The following PTER variants were observed in gnomAD, a reference collection of about 807,000 sequenced individuals.
PTER encodes the protein N-acetyltaurine hydrolase.
In PTER, 38 loss-of-function variants were observed where a neutral mutation model predicts 29.6. The observed-to-expected ratio is 1.28, with a 90% CI of 0.99 to 1.68. PTER has a LOEUF of 1.68. Ranked by LOEUF, PTER falls within the 40% of genes most tolerant of loss-of-function variation. The pLI, the probability that PTER is intolerant of heterozygous loss-of-function variation, is 0.00. For missense variants in PTER, 482 were observed against 427.8 expected (o/e 1.13, Z -1.12); for synonymous variants, 172 against 154.5 (o/e 1.11, Z -0.84).
At position 16,511,132 on chromosome 10, in the gene PTER, G is replaced by A. The variant is rs1353752011; in HGVS notation, c.926G>A (p.Gly309Glu). 6.2e-7 allele frequency: 1 copy of A among 1,614,158 alleles called. No homozygotes were observed. Reference sequence around the variant, plus strand: ...ACGAAAACCCGGCTGATGAAATATGGAGGTCACGGCTATTCTCATATACTC... The same window carrying A: ...ACGAAAACCCGGCTGATGAAATATGAAGGTCACGGCTATTCTCATATACTC... ...IHTKTRLMKY[G>E]GHGYSHILTN... The change falls in exon 5 of 5, where the codon GGA (glycine) becomes GAA (glutamate). Residue 309 changes from glycine (G) to glutamate (E), a missense_variant. Gly to Glu is a moderately conservative substitution (Grantham distance 98, BLOSUM62 -2). Coordinates refer to ENST00000535784, the MANE Select transcript of PTER (RefSeq NM_001261836.2).
downstream of PTER, among the ~76,000 whole-genome samples, chr10:16,515,943 A>G (rs1198701365): frequency 6.6e-6 from 1 of 152,198 alleles, no homozygotes; most frequent in Non-Finnish European, 1.5e-5. Context: ...GAGAGAAATG[A>G]GACAGAAGTC....
At chr10:16,497,814 G>C (rs1836170269) in intron 3 of PTER, among the ~76,000 whole-genome samples, 1 of 152,146 alleles carries the variant, frequency 6.6e-6, no homozygotes, top group Non-Finnish European at 1.5e-5. Flanking sequence ...AATATAAAAG[G>C]GGGTTGAAAA....
chr10:16,459,114 C>A (rs925071759), intron 1 of PTER, among the ~76,000 whole-genome samples: 1 of 152,154 alleles, frequency 6.6e-6, no homozygotes, highest in African/African-American at 2.4e-5. Flanking sequence ...TGCATAGTAT[C>A]AATGTATTTT....
rs1010674988 is a variant in PTER, at chr10:16,476,901, C to CTTTT, written c.-48-7417_-48-7414dup. On this transcript the variant is annotated intron_variant, in intron 1 of 4. Coordinates refer to ENST00000535784, the MANE Select transcript of PTER (RefSeq NM_001261836.2). ...CAAACCACCCCTCCATCCTAGAATT[C>CTTTT]TTTTTTTTTTTTTTTTTTTTTTGAG... is the stretch of plus-strand genomic sequence containing the variant. Among the ~76,000 whole-genome samples the CTTTT allele has an allele frequency of 1.3e-4, 13 of 100,360 alleles. 1 individual carries two copies. The highest frequency in any genetic ancestry group is 1.7e-4 in the Non-Finnish European group (9 of 51,812). The allele number at this position is 100,360 out of a possible 152,430, so 65.8% of individuals were successfully genotyped here.
At chr10:16,444,252 C>CA (rs1397644014) in intron 1 of PTER, among the ~76,000 whole-genome samples, 2 of 152,140 alleles carry the variant, frequency 1.3e-5, no homozygotes, top group Non-Finnish European at 2.9e-5. Context: ...CTCGGCCTCC[C>CA]AAAGTGCTGG....
At chr10:16,438,309 C>T (rs901672479) in intron 1 of PTER, among the ~76,000 whole-genome samples, 2 of 149,446 alleles carry the variant, frequency 1.3e-5, no homozygotes, top group African/African-American at 4.9e-5. Flanking sequence ...CGGCCTCTTG[C>T]TTTTTAAGAC....
chr10:16,484,940 C>A, intron 2 of PTER, 124 bp downstream of exon 2: 1 of 1,145,000 alleles, frequency 8.7e-7, no homozygotes, highest in South Asian at 1.8e-5. Context: ...GCAAAGACAT[C>A]TGCCAGTTGG....
At chr10:16,469,880 G>GTT (rs11452216) in intron 1 of PTER, among the ~76,000 whole-genome samples, 1 of 145,664 alleles carries the variant, frequency 6.9e-6, no homozygotes, top group African/African-American at 2.6e-5. Flanking sequence ...GTGCCTGGCT[G>GTT]TTTTTTTTGT....
chr10:16,499,253 C>T (rs1274301488), intron 3 of PTER, among the ~76,000 whole-genome samples: 4 of 151,848 alleles, frequency 2.6e-5, no homozygotes, highest in East Asian at 1.9e-4. Context: ...TCTTGTTTCC[C>T]GTCCCACCCC....
At chr10:16,468,569 T>C (rs879890510) in intron 1 of PTER, among the ~76,000 whole-genome samples, 1 of 152,204 alleles carries the variant, frequency 6.6e-6, no homozygotes. Context: ...AGCAAGCATC[T>C]AGATGTTCGC....
intron 3 of PTER, among the ~76,000 whole-genome samples, chr10:16,494,872 G>C (rs1836031175): frequency 6.6e-6 from 1 of 152,106 alleles, no homozygotes; most frequent in South Asian, 2.1e-4. Flanking sequence ...GTCATTAGCA[G>C]TGTAAGAATA....
At chr10:16,458,515 C>T (rs565105850) in intron 1 of PTER, among the ~76,000 whole-genome samples, 1 of 152,296 alleles carries the variant, frequency 6.6e-6, no homozygotes, top group South Asian at 2.1e-4. Flanking sequence ...CTTAGATGCA[C>T]ATTCATGATG....
intron 1 of PTER, among the ~76,000 whole-genome samples, chr10:16,456,310 G>A (rs1372683194): frequency 6.6e-6 from 1 of 152,178 alleles, no homozygotes; most frequent in Non-Finnish European, 1.5e-5. Context: ...TAAACATTGA[G>A]CAGAGATGAT....
In PTER at chr10:16,444,932, A is replaced by G. The variant is rs74127516; in HGVS notation, c.-49+7885A>G. Among the ~76,000 whole-genome samples, 422 of 152,260 alleles carry G rather than the reference A, an allele frequency of 2.8e-3. 4 individuals are homozygous for G. The highest frequency in any genetic ancestry group is 8.6e-3 in the African/African-American group (356 of 41,534). Reference sequence around the variant, plus strand: ...TGGGTATGTAAGAGTATATAAGTAAAACTTGGGGTTTTGAATGGGCTGTAA... The same window carrying G: ...TGGGTATGTAAGAGTATATAAGTAAGACTTGGGGTTTTGAATGGGCTGTAA... On this transcript the variant is annotated intron_variant, in intron 1 of 4. Transcript: ENST00000535784.
chr10:16,503,158 T>G (rs1836429779), intron 3 of PTER, among the ~76,000 whole-genome samples: 1 of 136,102 alleles, frequency 7.3e-6, no homozygotes, highest in African/African-American at 2.8e-5. Context: ...TAGCCTCAAA[T>G]GATCCACCCA....
chr10:16,493,644 T>C (rs187614325), intron 3 of PTER, among the ~76,000 whole-genome samples: 47 of 152,064 alleles, frequency 3.1e-4, no homozygotes, highest in Middle Eastern at 6.8e-3. Flanking sequence ...TACTGTGTAT[T>C]TTCTCTCAAC....
intron 1 of PTER, among the ~76,000 whole-genome samples, chr10:16,465,011 T>TA (rs1172305287): frequency 1.3e-5 from 2 of 152,092 alleles, no homozygotes; most frequent in Non-Finnish European, 2.9e-5. Context: ...TCGTGAGACT[T>TA]AAACACTATC....
chr10:16,478,582 C>T (rs1835365270), intron 1 of PTER, among the ~76,000 whole-genome samples: 1 of 151,968 alleles, frequency 6.6e-6, no homozygotes, highest in East Asian at 1.9e-4. Context: ...GATTTGCCTG[C>T]CTCAGCCTCC....
At chr10:16,444,417 A>G (rs934907671) in intron 1 of PTER, among the ~76,000 whole-genome samples, 11 of 150,104 alleles carry the variant, frequency 7.3e-5, no homozygotes, top group Non-Finnish European at 1.3e-4. Flanking sequence ...CAGGTGCTCA[A>G]TACCTCAATA....
Sources: allele counts gnomAD v4.1 joint callset (sites outside exome capture counted in the v4.1 genomes callset), GRCh38; gene constraint gnomAD v4.1.1; transcripts MANE v1.5; gene names NCBI Gene and HGNC (gene_info 2026-07-23, HGNC 2026-07-21).